Variants in GOLGA3 observed in about 807,000 individuals in gnomAD.
The protein encoded by GOLGA3 is golgin A3.
Under a neutral mutation model 169.4 loss-of-function variants are expected in GOLGA3, and 75 were observed. The observed-to-expected ratio is 0.44, with a 90% confidence interval of 0.37 to 0.54. The LOEUF (loss-of-function observed/expected upper bound fraction) is 0.54, where lower values mean the gene tolerates loss of function less well. Ranked by LOEUF, GOLGA3 falls within the 20% of genes least tolerant of loss-of-function variation. The probability of loss-of-function intolerance (pLI) is 0.00; values close to 1 mark genes in which losing one functional copy is unlikely to be tolerated. For missense variants in GOLGA3, 1,899 were observed against 1,930.0 expected, an observed-to-expected ratio of 0.98 and a Z score of 0.30; for synonymous variants, 824 against 822.4, an observed-to-expected ratio of 1.00 and a Z score of -0.03.
At position 132,804,905 on chromosome 12, in the gene GOLGA3, C is replaced by A; in HGVS notation, c.1408G>T (p.Val470Leu). The change falls in exon 7 of 24, where the codon GTG (valine) becomes TTG (leucine). Residue 470 changes from valine to leucine, a missense_variant. Val to Leu is a conservative substitution (Grantham distance 32). Coordinates refer to ENST00000450791, the MANE Select transcript of GOLGA3 (RefSeq NM_001389683.1). The surrounding 1 kb of genome is among the most constrained non-coding windows in gnomAD (Gnocchi z 4.1). ...QQRQDSLSSEVDTLKQSCWDL... is the reference protein window; with the variant it reads ...QQRQDSLSSELDTLKQSCWDL... ...CAGCACGACTGCTTCAGGGTGTCCA[C>A]CTCCGAGCTCAGCGAATCCTGCCGC... 6.2e-7 allele frequency: 1 copy of A among 1,613,984 alleles called. No individual in the cohort carries two copies. Among genetic ancestry groups the A allele is most frequent in the Non-Finnish European group, 8.5e-7 (1 of 1,180,030 alleles).
Position 132,769,058 on chromosome 12 carries a change from CTCTT to C in GOLGA3, c.*4043_*4046del, listed in dbSNP as rs1328694694. The C allele has an allele frequency of 6.6e-6, 1 of 152,642 alleles. No homozygotes were observed. The highest frequency in any genetic ancestry group is 2.4e-5 in the African/African-American group (1 of 41,468). 9.5% of individuals were successfully genotyped at this position (152,642 alleles called of 1,614,324 possible). On this transcript the variant is annotated 3_prime_UTR_variant, in exon 24 of 24. Coordinates refer to ENST00000450791, the MANE Select transcript of GOLGA3 (RefSeq NM_001389683.1). ...CAAGAACAGCCACAACTTGAGGACT[CTCTT>C]TTGTGAGGAAATTTTTAATAAAAAC...
In GOLGA3 at chr12:132,822,220, C is replaced by A; in HGVS notation, c.-92G>T. On this transcript the variant is annotated 5_prime_UTR_variant, in exon 2 of 24. Transcript: ENST00000450791. Reference sequence around the variant, plus strand: ...CTGCCATCAGCAACAGCCAAGAGCTCCTGGGAGGGGCCCTACTGTGTCTCC... The same window carrying A: ...CTGCCATCAGCAACAGCCAAGAGCTACTGGGAGGGGCCCTACTGTGTCTCC... The A allele has an allele frequency of 2.0e-6, 3 of 1,489,326 alleles. No individual in the cohort carries two copies. Among genetic ancestry groups the A allele is most frequent in the Non-Finnish European group, 2.7e-6 (3 of 1,131,270 alleles). 92.3% of individuals were successfully genotyped at this position (1,489,326 alleles called of 1,614,324 possible).
In GOLGA3 at chr12:132,786,793, G is replaced by A. The variant is rs1378412049; in HGVS notation, c.2812-6C>T. 6.3e-7 allele frequency: 1 copy of A among 1,592,962 alleles called. No individual in the cohort carries two copies. ...TCCTTATCGAACTGCAACGACTGTG[G>A]AAGGGAAGGAGGGCGTGAGGAGCGG... On this transcript the variant is annotated splice_polypyrimidine_tract_variant and splice_region_variant and intron_variant, in intron 13 of 23. Transcript: ENST00000450791.
chr12:132,793,011 G>A (rs1206144013), intron 11 of GOLGA3, among the ~76,000 whole-genome samples: 2 of 114,796 alleles, frequency 1.7e-5, no homozygotes, highest in African/African-American at 3.3e-5. Context: ...CAGACCGCAC[G>A]GGACCCGCAC....
chr12:132,821,489 C>G (rs554730986), intron 2 of GOLGA3, among the ~76,000 whole-genome samples: 1 of 152,024 alleles, frequency 6.6e-6, no homozygotes, highest in Non-Finnish European at 1.5e-5. Flanking sequence ...GCTGCTGCCC[C>G]ACACGTTTAA....
In GOLGA3 at chr12:132,784,223, C is replaced by T. The variant is rs1293650816; in HGVS notation, c.3208G>A (p.Ala1070Thr). 1.9e-6 allele frequency: 3 copies of T among 1,611,128 alleles called. No homozygotes were observed. Among genetic ancestry groups the T allele is most frequent in the Non-Finnish European group, 2.5e-6 (3 of 1,180,016 alleles). ...TCCTCCAGCTCCTGGCTGGTCAGCG[C>T]TATGACCTCCTGCAGTTCCTTTTCC... Reference protein sequence around the residue: ...LLEKELQEVIALTSQELEESR... With the variant: ...LLEKELQEVITLTSQELEESR... Residue 1070 changes from alanine to threonine, a missense_variant, in exon 16 of 24, where the codon GCG (alanine) becomes ACG (threonine). Coordinates refer to ENST00000450791, the MANE Select transcript of GOLGA3 (RefSeq NM_001389683.1).
At chr12:132,797,344 C>T (rs565399386) in intron 9 of GOLGA3, among the ~76,000 whole-genome samples, 1 of 152,292 alleles carries the variant, frequency 6.6e-6, no homozygotes, top group South Asian at 2.1e-4. Flanking sequence ...CAGAACCTCC[C>T]TCCATACACT....
intron 3 of GOLGA3, among the ~76,000 whole-genome samples, chr12:132,815,997 T>C: frequency 6.6e-6 from 1 of 152,250 alleles, no homozygotes; most frequent in South Asian, 2.1e-4. Flanking sequence ...AGGAGATCAA[T>C]ACCATCTTGA....
chr12:132,781,417 G>A (rs1419435236), intron 17 of GOLGA3, among the ~76,000 whole-genome samples: 1 of 152,086 alleles, frequency 6.6e-6, no homozygotes, highest in Non-Finnish European at 1.5e-5. Flanking sequence ...AAATTAGCTG[G>A]GCGCGGTGGT....
chr12:132,829,059 G>C (rs576363033), upstream of GOLGA3, among the ~76,000 whole-genome samples: 2 of 152,382 alleles, frequency 1.3e-5, no homozygotes, highest in South Asian at 2.1e-4. Flanking sequence ...GTGACCTTAA[G>C]AGTTTGCGGA....
chr12:132,825,318 C>T (rs1305706258), intron 1 of GOLGA3, among the ~76,000 whole-genome samples: 1 of 152,138 alleles, frequency 6.6e-6, no homozygotes, highest in African/African-American at 2.4e-5. Context: ...ATCACTGTAC[C>T]TCACGTGGCC....
chr12:132,823,911 C>T (rs1328228486), intron 1 of GOLGA3, among the ~76,000 whole-genome samples: 1 of 151,958 alleles, frequency 6.6e-6, no homozygotes, highest in Non-Finnish European at 1.5e-5. Flanking sequence ...GGTGAAACCT[C>T]GTCTCTACTA....
In GOLGA3 at chr12:132,816,572, CTG is replaced by C; in HGVS notation, c.372_373del (p.Arg125ThrfsTer60). The stretch of plus-strand genomic sequence containing the variant: ...CGTTTCTTGCATAGGAAGACTGAGT[CTG>C]AGAGACTGCAAAGCTTCTTTTCTAA... On this transcript the variant is annotated frameshift_variant, in exon 3 of 24. Coordinates refer to ENST00000450791, the MANE Select transcript of GOLGA3 (RefSeq NM_001389683.1). LOFTEE classifies it high-confidence loss of function. 1 of 1,614,022 alleles carries C rather than the reference CTG, an allele frequency of 6.2e-7. No individual in the cohort carries two copies. Among genetic ancestry groups the C allele is most frequent in the Non-Finnish European group, 8.5e-7 (1 of 1,179,990 alleles).
intron 18 of GOLGA3, among the ~76,000 whole-genome samples, chr12:132,779,967 T>C (rs572118630): frequency 9.8e-6 from 1 of 102,142 alleles, no homozygotes; most frequent in South Asian, 3.4e-4. Flanking sequence ...ATCACAACCC[T>C]TCCACGCACA....
chr12:132,777,910 G>T lies in GOLGA3; in HGVS notation c.3583-105C>A. 1 of 1,264,976 alleles carries T rather than the reference G, an allele frequency of 7.9e-7. No homozygotes were observed. The highest frequency in any genetic ancestry group is 2.5e-5 in the East Asian group (1 of 40,700). 78.4% of individuals were successfully genotyped at this position (1,264,976 alleles called of 1,614,324 possible). On this transcript the variant is annotated intron_variant, in intron 18 of 23. Transcript: ENST00000450791. The surrounding 1 kb of genome is among the most constrained non-coding windows in gnomAD (Gnocchi z 4.7). ...GCACTCCCGGCCCCGTGCATGTCCT[G>T]GCTGCCGGCGTGTGCTTCTCCACAG... is the stretch of plus-strand genomic sequence containing the variant.
Position 132,800,958 on chromosome 12 carries a change from C to CA in GOLGA3, c.1800+808dup, listed in dbSNP as rs546470120. Among the ~76,000 whole-genome samples, 46 of 150,664 alleles carry CA rather than the reference C, an allele frequency of 3.1e-4. No individual in the cohort carries two copies. In the South Asian group the frequency reaches 6.8e-3, roughly 22 times the overall value. ...TGGGTGACGGAGTGAGACACAGTCT[C>CA]AAAAAAAAACCAAAAACAAAAAGAC... On this transcript the variant is annotated intron_variant, in intron 8 of 23. Coordinates refer to ENST00000450791, the MANE Select transcript of GOLGA3 (RefSeq NM_001389683.1).
At chr12:132,784,595 C>T (rs1448156181) in intron 15 of GOLGA3, among the ~76,000 whole-genome samples, 1 of 152,228 alleles carries the variant, frequency 6.6e-6, no homozygotes, top group African/African-American at 2.4e-5. Context: ...AAATCACCAT[C>T]TGTGGCAAGC....
intron 11 of GOLGA3, among the ~76,000 whole-genome samples, chr12:132,794,724 T>G (rs1310207965): frequency 2.6e-5 from 4 of 152,232 alleles, no homozygotes; most frequent in Non-Finnish European, 5.9e-5. Flanking sequence ...ATCCACAGAA[T>G]TGGGACAATT....
intron 9 of GOLGA3, among the ~76,000 whole-genome samples, chr12:132,797,953 T>G (rs929993624): frequency 6.6e-6 from 1 of 152,240 alleles, no homozygotes; most frequent in Admixed American, 6.5e-5. Context: ...AAAAACGCAC[T>G]GGCCCCTTCC....
Sources: gnomAD v4.1 joint callset for allele counts (sites outside exome capture counted in the v4.1 genomes callset) on GRCh38, gnomAD v4.1.1 for gene constraint, Gnocchi (gnomAD v3.1) non-coding constraint, MANE v1.5 for transcripts, NCBI Gene and HGNC (gene_info 2026-07-23, HGNC 2026-07-21) for gene names.